Variants in MGST2 observed in about 807,000 individuals in gnomAD.
MGST2 encodes glutathione peroxidase MGST2.
Under a neutral mutation model 16.6 loss-of-function variants are expected in MGST2, and 9 were observed. The ratio of observed to expected loss-of-function variants is 0.54; its 90% CI spans 0.33 to 0.95. MGST2 has a LOEUF of 0.95. Ranked by LOEUF, MGST2 falls within the 40% of genes least tolerant of loss-of-function variation. The pLI, the probability that MGST2 is intolerant of heterozygous loss-of-function variation, is 0.03. For missense variants in MGST2, 159 were observed against 175.1 expected (o/e 0.91, Z 0.52); for synonymous variants, 79 against 68.0 (o/e 1.16, Z -0.79).
At chr4:139,742,102 A>G (rs1442679646), downstream of MGST2, among the ~76,000 whole-genome samples, 2 of 151,922 alleles carry the variant, frequency 1.3e-5, no homozygotes, top group Admixed American at 1.3e-4. Flanking sequence ...ATCTGGAAAC[A>G]ATGAGAAATC....
downstream of MGST2, among the ~76,000 whole-genome samples, chr4:139,708,832 G>T (rs562153262): frequency 1.3e-5 from 2 of 151,622 alleles, no homozygotes; most frequent in Non-Finnish European, 2.9e-5. Context: ...AAGAAATCCC[G>T]TCTCTACTAA....
At position 139,735,911 on chromosome 4, in the gene MGST2, G is replaced by A. The variant is rs1391963736; in HGVS notation, c.*49-4301G>A. On this transcript the variant is annotated intron_variant, in intron 5 of 5. Transcript: ENST00000616265. This position sits in a 1 kb window ranked among gnomAD's most constrained non-coding sequence, Gnocchi z 5.8. ...GGGGCCCTGGAGGTCCTCGGCCCGC[G>A]CGCGCCGCTCGGGAGCCCGCGAGGC... Among the ~76,000 whole-genome samples the A allele has an allele frequency of 6.6e-6, 1 of 151,820 alleles. No homozygotes were observed. Among genetic ancestry groups the A allele is most frequent in the African/African-American group, 2.4e-5 (1 of 41,356 alleles).
chr4:139,702,662 C>G (rs554663045), intron 3 of MGST2, among the ~76,000 whole-genome samples: 1 of 151,864 alleles, frequency 6.6e-6, no homozygotes, highest in Non-Finnish European at 1.5e-5. Flanking sequence ...CTTTTGTGAA[C>G]ACATGCTTTC....
At chr4:139,681,585 T>C (rs1232678239) in intron 2 of MGST2, among the ~76,000 whole-genome samples, 3 of 152,238 alleles carry the variant, frequency 2.0e-5, no homozygotes, top group Admixed American at 2.0e-4. Flanking sequence ...TAGTTGTTGG[T>C]GCTGATGTTA....
At chr4:139,736,404 T>G (rs1728947944) in intron 5 of MGST2, among the ~76,000 whole-genome samples, 2 of 152,188 alleles carry the variant, frequency 1.3e-5, no homozygotes. Context: ...CAGCACAGGA[T>G]GAATCGAACA....
At chr4:139,728,984 C>T (rs969766807) in intron 5 of MGST2, among the ~76,000 whole-genome samples, 7 of 152,042 alleles carry the variant, frequency 4.6e-5, no homozygotes, top group Non-Finnish European at 8.8e-5. Context: ...TTACAGAGCC[C>T]AGCTGCCCTC....
downstream of MGST2, among the ~76,000 whole-genome samples, chr4:139,707,055 TTTATTA>T: frequency 6.6e-6 from 1 of 152,170 alleles, no homozygotes; most frequent in East Asian, 1.9e-4. Flanking sequence ...TTATTTTTAT[TTTATTA>T]TTATTATACT....
chr4:139,751,552 G>A, the MGST2 span, among the ~76,000 whole-genome samples: 4 of 152,196 alleles, frequency 2.6e-5, no homozygotes, highest in Non-Finnish European at 5.9e-5. Flanking sequence ...TCATGTCAGC[G>A]CTCAAAAAAT....
At chr4:139,703,564 T>A in intron 4 of MGST2, 28 bp downstream of exon 4, 1 of 1,594,262 alleles carries the variant, frequency 6.3e-7, no homozygotes, top group Non-Finnish European at 8.6e-7. Context: ...ATTTTGTATT[T>A]ATGCAAAAAG....
At chr4:139,749,546 G>C in the MGST2 span, among the ~76,000 whole-genome samples, 1 of 152,198 alleles carries the variant, frequency 6.6e-6, no homozygotes, top group Non-Finnish European at 1.5e-5. Context: ...TCTGGTAACT[G>C]TCAAGGGGGT....
At chr4:139,667,728 C>T (rs1366869044) in intron 1 of MGST2, among the ~76,000 whole-genome samples, 2 of 151,896 alleles carry the variant, frequency 1.3e-5, no homozygotes, top group African/African-American at 2.4e-5. Context: ...CATGGTGGCA[C>T]GCTCCTGTAG....
rs1728922152 is a variant in MGST2 at position 139,735,887 on chromosome 4, G to A, written c.*49-4325G>A. The stretch of plus-strand genomic sequence containing the variant: ...CGGCGGCGCTCGGGAGACCCGCGAG[G>A]GGCCCTGGAGGTCCTCGGCCCGCGC... On this transcript the variant is annotated intron_variant, in intron 5 of 5. Transcript: ENST00000616265. The surrounding 1 kb of genome is among the most constrained non-coding windows in gnomAD (Gnocchi z 5.8). 1.3e-5 allele frequency among the ~76,000 whole-genome samples: 2 copies of A among 151,950 alleles called. No homozygotes were observed. Among genetic ancestry groups the A allele is most frequent in the Admixed American group, 1.3e-4 (2 of 15,262 alleles).
chr4:139,709,793 A>G (rs1426565634), intron 5 of MGST2, among the ~76,000 whole-genome samples: 1 of 152,236 alleles, frequency 6.6e-6, no homozygotes, highest in East Asian at 1.9e-4. Flanking sequence ...ATGGATCCAC[A>G]GTCATCCATG....
At chr4:139,677,521 G>T (rs1289864331) in intron 1 of MGST2, among the ~76,000 whole-genome samples, 3 of 147,150 alleles carry the variant, frequency 2.0e-5, no homozygotes, top group African/African-American at 2.5e-5. Context: ...TTTTTTTTGA[G>T]ACAGAGTTTC....
intron 5 of MGST2, among the ~76,000 whole-genome samples, chr4:139,726,859 G>A (rs1355831590): frequency 1.3e-5 from 2 of 152,142 alleles, no homozygotes; most frequent in Non-Finnish European, 2.9e-5. Flanking sequence ...ATGTGCAAAG[G>A]GAAAGAAAAT....
At chr4:139,741,229 T>A (rs73854339), downstream of MGST2, among the ~76,000 whole-genome samples, 38,461 of 151,976 alleles carry the variant, frequency 0.25, 5,904 homozygotes, top group African/African-American at 0.44. Context: ...ATGTAAAGAT[T>A]GTGGCTGACG....
intron 2 of MGST2, 81 bp from the exon 3 acceptor site, chr4:139,695,116 C>A (rs1361680240): frequency 2.0e-6 from 2 of 989,282 alleles, no homozygotes; most frequent in Admixed American, 1.8e-5. Flanking sequence ...ATAGGCTGAA[C>A]ATTTACCTCT....
chr4:139,668,275 G>A (rs1322175168), intron 1 of MGST2, among the ~76,000 whole-genome samples: 1 of 152,156 alleles, frequency 6.6e-6, no homozygotes, highest in African/African-American at 2.4e-5. Flanking sequence ...CGTTTGGAGA[G>A]AATAGATTGT....
chr4:139,699,057 G>A (rs867081452), intron 3 of MGST2, among the ~76,000 whole-genome samples: 7 of 152,306 alleles, frequency 4.6e-5, no homozygotes, highest in Middle Eastern at 6.8e-3. Flanking sequence ...AAACATTGAT[G>A]AAAAATAGGC....
Sources: allele counts gnomAD v4.1 joint callset (sites outside exome capture counted in the v4.1 genomes callset), GRCh38; gene constraint gnomAD v4.1.1; non-coding constraint Gnocchi (gnomAD v3.1); transcripts MANE v1.5; gene names NCBI Gene and HGNC (gene_info 2026-07-23, HGNC 2026-07-21).